Variants in RMI1 observed in about 807,000 individuals in gnomAD.
RMI1 encodes RecQ mediated genome instability 1, also known as recQ-mediated genome instability protein 1.
In RMI1, 36 loss-of-function variants were observed where a neutral mutation model predicts 46.7. The ratio of observed to expected loss-of-function variants is 0.77; its 90% CI spans 0.59 to 1.02. The LOEUF (loss-of-function observed/expected upper bound fraction) is 1.02. Among genes scored for constraint, RMI1 ranks in the 50% least tolerant of loss-of-function variants. The pLI, the probability that RMI1 is intolerant of heterozygous loss-of-function variation, is 0.00. For missense variants in RMI1, 676 were observed against 713.7 expected (o/e 0.95, Z 0.60); for synonymous variants, 250 against 252.9 (o/e 0.99, Z 0.11).
In RMI1 at chr9:84,002,667, A is replaced by G; in HGVS notation, c.1681A>G (p.Met561Val). 2.5e-6 allele frequency: 4 copies of G among 1,613,938 alleles called. No individual in the cohort carries two copies. Among genetic ancestry groups the G allele is most frequent in the South Asian group, 1.1e-5 (1 of 91,080 alleles). Residue 561 changes from methionine to valine, a missense_variant, in exon 3 of 3, where the codon ATG becomes GTG. Coordinates refer to ENST00000445877, the MANE Select transcript of RMI1 (RefSeq NM_001358291.2). Reference protein sequence around the residue: ...TSLIGFSVPEMKQSKKDPLQY... With the variant: ...TSLIGFSVPEVKQSKKDPLQY... ...CTTGATAGGGTTCTCAGTACCAGAA[A>G]TGAAACAGTCAAAAAAGGATCCTCT...
intron 2 of RMI1, among the ~76,000 whole-genome samples, chr9:84,000,486 A>C (rs1209141874): frequency 6.6e-6 from 1 of 152,166 alleles, no homozygotes; most frequent in Non-Finnish European, 1.5e-5. Flanking sequence ...ATATATATTA[A>C]GTTTGATAAT....
intron 1 of RMI1, among the ~76,000 whole-genome samples, chr9:83,996,465 T>G (rs754275349): frequency 6.6e-6 from 1 of 152,236 alleles, no homozygotes; most frequent in Non-Finnish European, 1.5e-5. Flanking sequence ...ACGGCTTTAG[T>G]GCCCACTTAA....
chr9:84,001,477 G>T lies in RMI1; in HGVS notation c.491G>T (p.Gly164Val). The T allele has an allele frequency of 1.2e-6, 2 of 1,613,988 alleles. No homozygotes were observed. Among genetic ancestry groups the T allele is most frequent in the South Asian group, 1.1e-5 (1 of 91,078 alleles). ...ATTCTTCATAGTGATCTTCCTCCAGGTACAAAAATTTTGATTTATGGAAAT... is the reference window on the plus strand; with the variant it reads ...ATTCTTCATAGTGATCTTCCTCCAGTTACAAAAATTTTGATTTATGGAAAT... ...IPILHSDLPP[G>V]TKILIYGNIS... is the part of the protein sequence containing the mutation. The change falls in exon 3 of 3, where the codon GGT becomes GTT. Residue 164 changes from glycine to valine, a missense_variant. Coordinates refer to ENST00000445877, the MANE Select transcript of RMI1 (RefSeq NM_001358291.2).
chr9:84,001,370 A>C lies in RMI1; in HGVS notation c.384A>C (p.Glu128Asp). The C allele has an allele frequency of 6.2e-7, 1 of 1,614,176 alleles. No individual in the cohort carries two copies. The highest frequency in any genetic ancestry group is 2.2e-5 in the East Asian group (1 of 44,882). Residue 128 changes from glutamate (E) to aspartate (D), a missense_variant, in exon 3 of 3, where the codon GAA (glutamate) becomes GAC (aspartate). Transcript: ENST00000445877. ...AEAQVTPKPWEAKPSRMLMLQ... is the reference protein window; with the variant it reads ...AEAQVTPKPWDAKPSRMLMLQ... ...CACAAGTAACCCCAAAACCTTGGGA[A>C]GCAAAGCCTTCACGAATGTTGATGC...
Position 84,002,080 on chromosome 9 carries a change from C to T in RMI1, c.1094C>T (p.Thr365Ile), listed in dbSNP as rs776557736. Residue 365 changes from threonine (T) to isoleucine (I), a missense_variant, in exon 3 of 3, where the codon ACT becomes ATT. Coordinates refer to ENST00000445877, the MANE Select transcript of RMI1 (RefSeq NM_001358291.2). ...NPNTTNNFSL[T>I]CKNGNNNWSE... ...AATACTACGAATAACTTTTCTTTGA[C>T]TTGCAAAAATGGAAACAATAATTGG... is the stretch of plus-strand genomic sequence containing the variant. 6.2e-7 allele frequency: 1 copy of T among 1,613,654 alleles called. No homozygotes were observed. The highest frequency in any genetic ancestry group is 8.5e-7 in the Non-Finnish European group (1 of 1,179,846).
At chr9:83,986,972 A>G (rs1384205678) in intron 1 of RMI1, among the ~76,000 whole-genome samples, 1 of 152,184 alleles carries the variant, frequency 6.6e-6, no homozygotes, top group African/African-American at 2.4e-5. Context: ...ATTTGCCAGC[A>G]CTGTGTTATT....
intron 1 of RMI1, among the ~76,000 whole-genome samples, chr9:83,992,405 A>G (rs1009207075): frequency 6.6e-6 from 1 of 152,166 alleles, no homozygotes; most frequent in South Asian, 2.1e-4. Context: ...TCTTGTGCTT[A>G]GGTACACTAG....
chr9:84,003,762 TA>T lies in RMI1; in HGVS notation c.*899del, dbSNP rs1456849125. ...TAAAACTTTATTTTCAAGGATAGTT[TA>T]TTTTAAATGGCATATTGAAAACATC... On this transcript the variant is annotated 3_prime_UTR_variant, in exon 3 of 3. Coordinates refer to ENST00000445877, the MANE Select transcript of RMI1 (RefSeq NM_001358291.2). 6.0e-6 allele frequency: 1 copy of T among 166,930 alleles called. No homozygotes were observed. Among genetic ancestry groups the T allele is most frequent in the Non-Finnish European group, 1.5e-5 (1 of 68,118 alleles). The allele number at this position is 166,930 out of a possible 1,614,324, so 10.3% of individuals were successfully genotyped here. A position where few individuals can be genotyped will look rare whatever the true frequency, so the allele number is the denominator to read the frequency against.
chr9:83,998,857 A>G (rs1411791709), intron 1 of RMI1, among the ~76,000 whole-genome samples: 17 of 152,138 alleles, frequency 1.1e-4, no homozygotes, highest in Admixed American at 1.1e-3. Context: ...GTCTAAAATA[A>G]TGGCTGGGCG....
intron 1 of RMI1, 54 bp downstream of exon 1, chr9:83,980,945 C>T (rs1332643002): frequency 2.0e-5 from 3 of 152,328 alleles, no homozygotes; most frequent in East Asian, 1.9e-4. Context: ...CACTCGTGCC[C>T]GAAGCCCCTT....
At chr9:83,986,315 A>G (rs1957489975) in intron 1 of RMI1, among the ~76,000 whole-genome samples, 3 of 152,190 alleles carry the variant, frequency 2.0e-5, no homozygotes, top group Admixed American at 2.0e-4. Context: ...TATTTACGTG[A>G]GATCTGAGAA....
chr9:83,999,193 AAAAAT>A (rs976998214), intron 1 of RMI1, among the ~76,000 whole-genome samples: 7 of 151,356 alleles, frequency 4.6e-5, no homozygotes, highest in African/African-American at 1.7e-4. Flanking sequence ...TAAAATAAAA[AAAAAT>A]AAAATAACAA....
intron 2 of RMI1, among the ~76,000 whole-genome samples, chr9:84,000,457 C>T (rs1232078402): frequency 1.3e-5 from 2 of 152,006 alleles, no homozygotes; most frequent in Non-Finnish European, 2.9e-5. Flanking sequence ...GCTGGTTGGT[C>T]ATCGGATTTA....
At chr9:83,990,510 T>TAAAA (rs55939734) in intron 1 of RMI1, among the ~76,000 whole-genome samples, 2 of 141,186 alleles carry the variant, frequency 1.4e-5, no homozygotes, top group Admixed American at 7.1e-5. Flanking sequence ...AATGCTGTCT[T>TAAAA]AAAAAAAAAA....
At chr9:83,985,203 GCTT>G (rs1221655807) in intron 1 of RMI1, among the ~76,000 whole-genome samples, 9 of 152,158 alleles carry the variant, frequency 5.9e-5, no homozygotes, top group East Asian at 3.9e-4. Flanking sequence ...ATTTTAATAA[GCTT>G]CTCTTTCTAA....
At chr9:83,998,523 A>G (rs1003795454) in intron 1 of RMI1, among the ~76,000 whole-genome samples, 2 of 152,228 alleles carry the variant, frequency 1.3e-5, no homozygotes, top group Non-Finnish European at 2.9e-5. Flanking sequence ...GAAATTGTTT[A>G]GAGGCAGTGA....
At chr9:83,998,356 CATTAA>C (rs1321495402) in intron 1 of RMI1, among the ~76,000 whole-genome samples, 1 of 152,038 alleles carries the variant, frequency 6.6e-6, no homozygotes, top group Non-Finnish European at 1.5e-5. Context: ...TCTAATCATC[CATTAA>C]ATTAAATTAA....
chr9:83,991,441 AAGTTG>A (rs1315262691), intron 1 of RMI1, among the ~76,000 whole-genome samples: 3 of 151,870 alleles, frequency 2.0e-5, no homozygotes, highest in Admixed American at 1.3e-4. Context: ...TTAGCCTCCC[AAGTTG>A]CTGGGACTAC....
Position 84,001,355 on chromosome 9 carries a change from C to T in RMI1, c.369C>T (p.Thr123=). Residue 123 remains threonine, a synonymous_variant, in exon 3 of 3, where the codon ACC becomes ACT. Transcript: ENST00000445877. The part of the protein sequence containing the change: ...NDLVTAEAQV[T]PKPWEAKPSR... Reference sequence around the variant, plus strand: ...TAGTTACAGCTGAAGCACAAGTAACCCCAAAACCTTGGGAAGCAAAGCCTT... The same window carrying T: ...TAGTTACAGCTGAAGCACAAGTAACTCCAAAACCTTGGGAAGCAAAGCCTT... 1 of 1,614,038 alleles carries T rather than the reference C, an allele frequency of 6.2e-7. No individual in the cohort carries two copies. Among genetic ancestry groups the T allele is most frequent in the Non-Finnish European group, 8.5e-7 (1 of 1,179,978 alleles).
Sources: allele counts gnomAD v4.1 joint callset (sites outside exome capture counted in the v4.1 genomes callset), GRCh38; gene constraint gnomAD v4.1.1; transcripts MANE v1.5; gene names NCBI Gene and HGNC (gene_info 2026-07-23, HGNC 2026-07-21).